Variants in BMP5 observed in about 807,000 individuals in gnomAD.
The protein encoded by BMP5 is bone morphogenetic protein 5.
BMP5 carries 23 observed loss-of-function variants against 46.6 expected under a neutral mutation model. That is an observed-to-expected ratio of 0.49 (90% CI 0.35 to 0.70). The LOEUF (loss-of-function observed/expected upper bound fraction) is 0.70, where lower values mean the gene tolerates loss of function less well. Ranked by LOEUF, BMP5 falls within the 30% of genes least tolerant of loss-of-function variation. BMP5 has a pLI of 0.00. For missense variants in BMP5, 545 were observed against 565.6 expected, an observed-to-expected ratio of 0.96 and a Z score of 0.37; for synonymous variants, 204 against 191.9, an observed-to-expected ratio of 1.06 and a Z score of -0.52.
intron 1 of BMP5, among the ~76,000 whole-genome samples, chr6:55,868,379 G>C (rs1777699971): frequency 6.6e-6 from 1 of 152,104 alleles, no homozygotes; most frequent in Non-Finnish European, 1.5e-5. Context: ...ACAACCTCCA[G>C]TTTAATTTCA....
rs1774512742 is a variant in BMP5 at position 55,753,781 on chromosome 6, T to C, written c.*1752A>G. On this transcript the variant is annotated 3_prime_UTR_variant, in exon 7 of 7. Coordinates refer to ENST00000370830, the MANE Select transcript of BMP5 (RefSeq NM_021073.4). ...ACATTTGATAAATATTCTTATTGTC[T>C]CAATTTATGATATACTTACATTTTG... is the stretch of plus-strand genomic sequence containing the variant. The C allele has an allele frequency of 6.6e-6, 1 of 151,950 alleles. No homozygotes were observed. The highest frequency in any genetic ancestry group is 2.1e-4 in the South Asian group (1 of 4,830). The allele number at this position is 151,950 out of a possible 1,614,324, so 9.4% of individuals were successfully genotyped here. A position where few individuals can be genotyped will look rare whatever the true frequency, so the allele number is the denominator to read the frequency against.
At chr6:55,769,484 A>G (rs1483724225) in intron 4 of BMP5, among the ~76,000 whole-genome samples, 1 of 151,872 alleles carries the variant, frequency 6.6e-6, no homozygotes, top group Non-Finnish European at 1.5e-5. Context: ...TTGTAATTCA[A>G]GTTCTCTTGC....
At chr6:55,799,014 C>T (rs1430909395) in intron 2 of BMP5, among the ~76,000 whole-genome samples, 1 of 152,118 alleles carries the variant, frequency 6.6e-6, no homozygotes, top group Non-Finnish European at 1.5e-5. Context: ...AATATAGAAG[C>T]TATATAGCTA....
chr6:55,819,508 C>T (rs1776357478), intron 2 of BMP5, 147 bp downstream of exon 2: 6 of 696,686 alleles, frequency 8.6e-6, no homozygotes, highest in Non-Finnish European at 1.4e-5. Context: ...ATTACGGTTA[C>T]CTTTCAATAT....
Position 55,874,921 on chromosome 6 carries a change from A to C in BMP5, c.-56T>G. 1 of 1,578,808 alleles carries C rather than the reference A, an allele frequency of 6.3e-7. No individual in the cohort carries two copies. The highest frequency in any genetic ancestry group is 8.6e-7 in the Non-Finnish European group (1 of 1,169,308). On this transcript the variant is annotated 5_prime_UTR_variant, in exon 1 of 7. Transcript: ENST00000370830. ...AGTCCTTCTTGTCCTCTTAAAAAAA[A>C]AAAAAACCTAAGGTTCTAGGAGGTA...
At chr6:55,797,214 G>A (rs906529805) in intron 2 of BMP5, among the ~76,000 whole-genome samples, 2 of 151,984 alleles carry the variant, frequency 1.3e-5, no homozygotes, top group Admixed American at 1.3e-4. Flanking sequence ...AATGTTAGAG[G>A]GGATTTATTT....
At position 55,794,807 on chromosome 6, in the gene BMP5, T is replaced by C. The variant is rs116491220; in HGVS notation, c.684-380A>G. 9.2e-3 allele frequency among the ~76,000 whole-genome samples: 1,400 copies of C among 152,304 alleles called. 14 individuals carry two copies. The highest frequency in any genetic ancestry group is 0.031 in the African/African-American group (1,309 of 41,580). ...GTCAAATGAAAGTAGTTGTTCCAGT[T>C]TGGATGAATGTGAATTCTCAAATGA... is the stretch of plus-strand genomic sequence containing the variant. On this transcript the variant is annotated intron_variant, in intron 2 of 6. Coordinates refer to ENST00000370830, the MANE Select transcript of BMP5 (RefSeq NM_021073.4).
chr6:55,874,767 A>ATGAT lies in BMP5; in HGVS notation c.95_98dup (p.His33GlnfsTer10). The ATGAT allele has an allele frequency of 6.2e-7, 1 of 1,613,534 alleles. No homozygotes were observed. Among genetic ancestry groups the ATGAT allele is most frequent in the African/African-American group, 1.3e-5 (1 of 74,974 alleles). On this transcript the variant is annotated frameshift_variant, in exon 1 of 7. Coordinates refer to ENST00000370830, the MANE Select transcript of BMP5 (RefSeq NM_021073.4). LOFTEE classifies it high-confidence loss of function. ...TTCTATAAATAAAACTGGAGTGAACATGATTGTCTCCCAAACCTCCTTTTG... is the reference window on the plus strand; with the variant it reads ...TTCTATAAATAAAACTGGAGTGAACATGATTGATTGTCTCCCAAACCTCCTTTTG...
At chr6:55,855,785 A>AT (rs1443470014) in intron 1 of BMP5, among the ~76,000 whole-genome samples, 1 of 152,166 alleles carries the variant, frequency 6.6e-6, no homozygotes, top group Non-Finnish European at 1.5e-5. Flanking sequence ...GTTTTGATAA[A>AT]TTTTTAAGTA....
chr6:55,810,787 A>G (rs1776113484), intron 2 of BMP5, among the ~76,000 whole-genome samples: 3 of 152,142 alleles, frequency 2.0e-5, no homozygotes, highest in Admixed American at 2.0e-4. Context: ...GGATCAAAGC[A>G]CTCTGTGAGG....
intron 1 of BMP5, among the ~76,000 whole-genome samples, chr6:55,820,380 T>G (rs74734461): frequency 0.012 from 1,779 of 152,202 alleles, 35 homozygotes; most frequent in African/African-American, 0.04. Flanking sequence ...CCCAGAAAAT[T>G]TTTTCTCTTT....
At position 55,869,871 on chromosome 6, in the gene BMP5, G is replaced by A. The variant is rs961035560; in HGVS notation, c.490+4505C>T. On this transcript the variant is annotated intron_variant, in intron 1 of 6. Coordinates refer to ENST00000370830, the MANE Select transcript of BMP5 (RefSeq NM_021073.4). ...TCAACTGGAGAGAAAACAGGAGAGT[G>A]TACCTCAATTCTCAAACTGTAACTA... Among the ~76,000 whole-genome samples, 5 of 152,226 alleles carry A rather than the reference G, an allele frequency of 3.3e-5. No individual in the cohort carries two copies. In the South Asian group the frequency reaches 1.0e-3, roughly 32 times the overall value.
intron 2 of BMP5, among the ~76,000 whole-genome samples, 153 bp downstream of exon 2, chr6:55,819,502 C>T (rs12174118): frequency 0.12 from 17,661 of 152,042 alleles, 1,267 homozygotes; most frequent in African/African-American, 0.18. Flanking sequence ...AGATCGATTA[C>T]GGTTACCTTT....
At chr6:55,850,131 C>T (rs1261560261) in intron 1 of BMP5, among the ~76,000 whole-genome samples, 2 of 152,146 alleles carry the variant, frequency 1.3e-5, no homozygotes, top group African/African-American at 4.8e-5. Context: ...GTGTCATCTA[C>T]AAGTTGCACA....
At chr6:55,842,184 C>G (rs1407443746) in intron 1 of BMP5, among the ~76,000 whole-genome samples, 1 of 152,004 alleles carries the variant, frequency 6.6e-6, no homozygotes, top group East Asian at 1.9e-4. Flanking sequence ...CCTCTTAGTC[C>G]CGTCAAAATT....
At chr6:55,782,687 C>T (rs1299716341) in intron 3 of BMP5, among the ~76,000 whole-genome samples, 1 of 152,034 alleles carries the variant, frequency 6.6e-6, no homozygotes, top group Non-Finnish European at 1.5e-5. Flanking sequence ...ATAACTGGTA[C>T]CTGAGAGTAA....
At chr6:55,764,571 C>CAAAAAAAAAA (rs57293392) in intron 4 of BMP5, among the ~76,000 whole-genome samples, 1 of 110,154 alleles carries the variant, frequency 9.1e-6, no homozygotes, top group African/African-American at 3.3e-5. Context: ...GACTCTGTCT[C>CAAAAAAAAAA]AAAAAAAAAA....
intron 2 of BMP5, among the ~76,000 whole-genome samples, chr6:55,795,003 G>A (rs961556931): frequency 6.6e-6 from 1 of 152,098 alleles, no homozygotes; most frequent in East Asian, 1.9e-4. Flanking sequence ...CACAATCTAT[G>A]AGAACTTTTG....
At chr6:55,761,237 C>G (rs746745719) in intron 4 of BMP5, among the ~76,000 whole-genome samples, 5 of 152,146 alleles carry the variant, frequency 3.3e-5, no homozygotes, top group Admixed American at 6.6e-5. Flanking sequence ...CATAATTGGT[C>G]TTGGTCCAAG....
Sources: allele counts gnomAD v4.1 joint callset (sites outside exome capture counted in the v4.1 genomes callset), GRCh38; gene constraint gnomAD v4.1.1; transcripts MANE v1.5; gene names NCBI Gene and HGNC (gene_info 2026-07-23, HGNC 2026-07-21).